COPA: variants seen among roughly 807,000 people sequenced by gnomAD.
COPA encodes the protein coatomer subunit alpha.
In COPA, 10 loss-of-function variants were observed where a neutral mutation model predicts 158.7. The ratio of observed to expected loss-of-function variants is 0.06; its 90% CI spans 0.04 to 0.11. COPA has a LOEUF of 0.11. COPA is among the 10% of genes least tolerant of loss of function. COPA has a pLI of 1.00. For missense variants in COPA, 1,065 were observed against 1,536.7 expected, an observed-to-expected ratio of 0.69 and a Z score of 5.13; for synonymous variants, 462 against 542.8, an observed-to-expected ratio of 0.85 and a Z score of 2.07.
intron 32 of COPA, 36 bp from the exon 33 acceptor site, chr1:160,290,252 T>C (rs756710986): frequency 6.0e-5 from 97 of 1,611,250 alleles, no homozygotes; most frequent in Non-Finnish European, 7.8e-5. Flanking sequence ...AGTTAGAGAT[T>C]TGTAAGATTG....
intron 17 of COPA, 38 bp from the exon 18 acceptor site, chr1:160,299,302 G>GA (rs1428332262): frequency 2.5e-6 from 4 of 1,571,584 alleles, no homozygotes; most frequent in East Asian, 2.3e-5. Flanking sequence ...AAGTGAGAGG[G>GA]AAAATCCATC....
chr1:160,295,353 C>T (rs1193418902), intron 23 of COPA, among the ~76,000 whole-genome samples: 1 of 152,190 alleles, frequency 6.6e-6, no homozygotes, highest in Non-Finnish European at 1.5e-5. Context: ...TGATAGCACA[C>T]ATCTGCCTAT....
At chr1:160,320,103 G>T (rs1430761428) in intron 8 of COPA, among the ~76,000 whole-genome samples, 1 of 151,878 alleles carries the variant, frequency 6.6e-6, no homozygotes, top group Non-Finnish European at 1.5e-5. Context: ...CTTGCTTTTT[G>T]AAAAGATAGT....
Position 160,335,319 on chromosome 1 carries a change from A to T in COPA, c.232T>A (p.Trp78Arg). Residue 78 changes from tryptophan (W) to arginine (R), a missense_variant, in exon 4 of 33, where the codon TGG becomes AGG. Trp to Arg is a moderately radical substitution (Grantham distance 101, BLOSUM62 -3). Coordinates refer to ENST00000241704, the MANE Select transcript of COPA (RefSeq NM_004371.4). Reference protein sequence around the residue: ...SGGDDYKIKVWNYKLRRCLFT... With the variant: ...SGGDDYKIKVRNYKLRRCLFT... ...AGACAGCGCCGAAGCTTGTAATTCC[A>T]AACCTGCAAAGACAAATCAAACTAA... 1 of 1,610,008 alleles carries T rather than the reference A, an allele frequency of 6.2e-7. No homozygotes were observed. The highest frequency in any genetic ancestry group is 8.5e-7 in the Non-Finnish European group (1 of 1,178,086).
Position 160,314,053 on chromosome 1 carries a change from C to A in COPA, c.779G>T (p.Arg260Leu). 1.2e-6 allele frequency: 2 copies of A among 1,613,748 alleles called. No homozygotes were observed. Among genetic ancestry groups the A allele is most frequent in the Non-Finnish European group, 1.7e-6 (2 of 1,179,936 alleles). Residue 260 changes from arginine (R) to leucine (L), a missense_variant, in exon 9 of 33, where the codon CGC (arginine) becomes CTC (leucine). Coordinates refer to ENST00000241704, the MANE Select transcript of COPA (RefSeq NM_004371.4). ...NNVSCAVFHPRQELILSNSED... is the reference protein window; with the variant it reads ...NNVSCAVFHPLQELILSNSED... ...AGAATTGCTGAGGATCAACTCTTGG[C>A]GAGGGTGGAAGACGGCACAAGATAC...
At chr1:160,322,948 CTCA>C (rs1659373607) in intron 8 of COPA, among the ~76,000 whole-genome samples, 1 of 151,892 alleles carries the variant, frequency 6.6e-6, no homozygotes, top group Non-Finnish European at 1.5e-5. Flanking sequence ...AACTTAAGTG[CTCA>C]TCAAGGGATG....
chr1:160,307,202 G>T lies in COPA; in HGVS notation c.1263C>A (p.Val421=). Residue 421 remains valine (V), a synonymous_variant, in exon 14 of 33, where the codon GTC becomes GTA. Coordinates refer to ENST00000241704, the MANE Select transcript of COPA (RefSeq NM_004371.4). ...KRSSGLTAVW[V]ARNRFAVLDR... ...CTAGGACAGCAAACCGATTTCGAGC[G>T]ACCCAAACGGCTGTCAGGCCTGAGG... 6.2e-7 allele frequency: 1 copy of T among 1,614,172 alleles called. No individual in the cohort carries two copies. The highest frequency in any genetic ancestry group is 8.5e-7 in the Non-Finnish European group (1 of 1,180,028).
At chr1:160,327,150 G>T (rs1647270445) in intron 6 of COPA, among the ~76,000 whole-genome samples, 1 of 152,194 alleles carries the variant, frequency 6.6e-6, no homozygotes, top group Non-Finnish European at 1.5e-5. Flanking sequence ...GAAGTATTTT[G>T]GGGGAATAGT....
chr1:160,314,607 G>A (rs1458805973), intron 8 of COPA, among the ~76,000 whole-genome samples: 1 of 152,180 alleles, frequency 6.6e-6, no homozygotes, highest in Non-Finnish European at 1.5e-5. Context: ...TCCAGGCTGG[G>A]CAACAGAGCA....
intron 10 of COPA, among the ~76,000 whole-genome samples, chr1:160,312,557 C>A (rs891281649): frequency 1.3e-5 from 2 of 152,164 alleles, no homozygotes; most frequent in African/African-American, 2.4e-5. Context: ...AAATATAAAC[C>A]AGATCATGTC....
At chr1:160,319,535 G>A (rs1659263879) in intron 8 of COPA, among the ~76,000 whole-genome samples, 1 of 148,262 alleles carries the variant, frequency 6.7e-6, no homozygotes, top group African/African-American at 2.5e-5. Flanking sequence ...GATCTAATAG[G>A]CCTAACTGCA....
intron 8 of COPA, chr1:160,317,547 A>T: frequency 1.2e-6 from 2 of 1,607,138 alleles, no homozygotes; most frequent in Non-Finnish European, 1.7e-6. Context: ...AACTCAAAGA[A>T]TCATACTGTC....
intron 13 of COPA, among the ~76,000 whole-genome samples, chr1:160,308,527 T>C (rs1369116250): frequency 3.9e-5 from 6 of 152,202 alleles, no homozygotes; most frequent in South Asian, 2.1e-4. Flanking sequence ...CAAAAGACCA[T>C]AGGCAATAGT....
intron 6 of COPA, among the ~76,000 whole-genome samples, chr1:160,332,179 G>C (rs1571181887): frequency 1.3e-5 from 2 of 152,126 alleles, no homozygotes; most frequent in South Asian, 2.1e-4. Flanking sequence ...TGTTGCAACA[G>C]TAAATAGATT....
chr1:160,311,794 A>G lies in COPA; in HGVS notation c.1076+74T>C, dbSNP rs756037022. The G allele has an allele frequency of 9.3e-6, 12 of 1,284,324 alleles. No individual in the cohort carries two copies. In the Admixed American group the frequency reaches 1.3e-4, roughly 14 times the overall value. 79.6% of individuals were successfully genotyped at this position (1,284,324 alleles called of 1,614,324 possible). ...ATAAATAAATGAAAGAAAGAAAAGA[A>G]GAGTCTTGTTTGTGGGAGTTGTATC... On this transcript the variant is annotated intron_variant, in intron 11 of 32. Coordinates refer to ENST00000241704, the MANE Select transcript of COPA (RefSeq NM_004371.4).
chr1:160,294,621 G>C, intron 24 of COPA, 28 bp from the exon 25 acceptor site: 1 of 1,611,998 alleles, frequency 6.2e-7, no homozygotes, highest in Non-Finnish European at 8.5e-7. Context: ...GCTCAAAACA[G>C]ATTTGGGCAG....
rs765857144 is a variant in COPA at position 160,323,478 on chromosome 1, A to G, written c.659T>C (p.Ile220Thr). Residue 220 changes from isoleucine to threonine, a missense_variant, in exon 8 of 33, where the codon ATT (isoleucine) becomes ACT (threonine). Transcript: ENST00000241704. ...TTGACGATCATCTGCCCCAGATACAATAAGGGGCATAGTGGGGTGGAAGGC... is the reference window on the plus strand; with the variant it reads ...TTGACGATCATCTGCCCCAGATACAGTAAGGGGCATAGTGGGGTGGAAGGC... The part of the protein sequence containing the change: ...WAAFHPTMPL[I>T]VSGADDRQVK... The G allele has an allele frequency of 1.2e-6, 2 of 1,611,136 alleles. No individual in the cohort carries two copies. Among genetic ancestry groups the G allele is most frequent in the Non-Finnish European group, 1.7e-6 (2 of 1,178,186 alleles).
chr1:160,288,653 AGTACTTATTTT>A lies in COPA; in HGVS notation c.*1493_*1503del, dbSNP rs1658114350. Reference sequence around the variant, plus strand: ...AAAACATGAATTTAACACGCAAAAAAGTACTTATTTTAATCGAAGGCACAGTAATGTCACTC... The same window carrying A: ...AAAACATGAATTTAACACGCAAAAAAAATCGAAGGCACAGTAATGTCACTC... On this transcript the variant is annotated 3_prime_UTR_variant, in exon 33 of 33. Coordinates refer to ENST00000241704, the MANE Select transcript of COPA (RefSeq NM_004371.4). Among the ~76,000 whole-genome samples, 1 of 152,176 alleles carries A rather than the reference AGTACTTATTTT, an allele frequency of 6.6e-6. No homozygotes were observed. The highest frequency in any genetic ancestry group is 2.1e-4 in the South Asian group (1 of 4,826).
At chr1:160,321,425 A>C (rs1450899372) in intron 8 of COPA, among the ~76,000 whole-genome samples, 5 of 152,250 alleles carry the variant, frequency 3.3e-5, no homozygotes. Context: ...TCATATACTT[A>C]GAAAAACCTA....
Sources: allele counts gnomAD v4.1 joint callset (sites outside exome capture counted in the v4.1 genomes callset), GRCh38; gene constraint gnomAD v4.1.1; transcripts MANE v1.5; gene names NCBI Gene and HGNC (gene_info 2026-07-23, HGNC 2026-07-21).